The following DAB1 variants were observed in gnomAD, a reference collection of about 807,000 sequenced individuals.
DAB1 encodes the protein disabled homolog 1.
Under a neutral mutation model 64.6 loss-of-function variants are expected in DAB1, and 15 were observed. The ratio of observed to expected loss-of-function variants is 0.23; its 90% CI spans 0.16 to 0.36. DAB1 has a LOEUF of 0.36. Ranked by LOEUF, DAB1 falls within the 10% of genes least tolerant of loss-of-function variation. DAB1 has a pLI of 1.00. For missense variants in DAB1, 596 were observed against 706.7 expected (o/e 0.84, Z 1.78); for synonymous variants, 235 against 251.9 (o/e 0.93, Z 0.64).
intron 6 of DAB1, among the ~76,000 whole-genome samples, chr1:57,730,195 C>A (rs924711428): frequency 6.6e-6 from 1 of 152,234 alleles, no homozygotes; most frequent in Admixed American, 6.5e-5. Context: ...GACAATGTCA[C>A]ATAGGTGGAG....
rs561327441 is a variant in DAB1 at position 57,572,307 on chromosome 1, A to G, written n.625+77285T>C. 4.4e-4 allele frequency among the ~76,000 whole-genome samples: 67 copies of G among 152,112 alleles called. 1 individual carries two copies. Among genetic ancestry groups the G allele is most frequent in the Non-Finnish European group, 8.1e-4 (55 of 68,012 alleles). ...TGGGATCTTGAGCATGTCATTAACCATGGGCTTTTGTTTCCTCATCTGCAA... is the reference window on the plus strand; with the variant it reads ...TGGGATCTTGAGCATGTCATTAACCGTGGGCTTTTGTTTCCTCATCTGCAA... On this transcript the variant is annotated intron_variant and non_coding_transcript_variant, in intron 7 of 20. Coordinates refer to the DAB1 transcript ENST00000485760.
At chr1:57,656,050 C>G (rs1352899038) in intron 6 of DAB1, among the ~76,000 whole-genome samples, 1 of 152,090 alleles carries the variant, frequency 6.6e-6, no homozygotes, top group Non-Finnish European at 1.5e-5. Flanking sequence ...GAGGGTGGAG[C>G]CTTCATGAAT....
At chr1:57,898,539 T>C in intron 5 of DAB1, among the ~76,000 whole-genome samples, 1 of 152,182 alleles carries the variant, frequency 6.6e-6, no homozygotes, top group East Asian at 1.9e-4. Flanking sequence ...ATGAAGATTT[T>C]ATACCAAATA....
intron 1 of DAB1, among the ~76,000 whole-genome samples, chr1:57,831,537 CTTTTT>C (rs5774372): frequency 3.6e-5 from 4 of 112,344 alleles, no homozygotes; most frequent in African/African-American, 1.3e-4. Flanking sequence ...ATTTTCTTCT[CTTTTT>C]TTTTTTTTTT....
At chr1:58,415,668 ATT>A (rs568736057) in intron 3 of DAB1, among the ~76,000 whole-genome samples, 245 of 152,292 alleles carry the variant, frequency 1.6e-3, no homozygotes, top group African/African-American at 5.5e-3. Flanking sequence ...CTACCCATTC[ATT>A]TGTTTGTTCA....
chr1:57,630,131 G>C (rs1645970998), intron 7 of DAB1, among the ~76,000 whole-genome samples: 1 of 152,080 alleles, frequency 6.6e-6, no homozygotes, highest in Non-Finnish European at 1.5e-5. Flanking sequence ...AAATAAGAGG[G>C]AGAAATCACT....
At chr1:57,150,106 A>G (rs566722338) in intron 2 of DAB1, among the ~76,000 whole-genome samples, 94 of 152,020 alleles carry the variant, frequency 6.2e-4, no homozygotes, top group Non-Finnish European at 9.7e-4. Context: ...TCTCTGACCT[A>G]CCTCCTTAGT....
intron 1 of DAB1, chr1:57,873,920 C>T (rs923204665): frequency 2.6e-5 from 4 of 152,118 alleles, no homozygotes; most frequent in African/African-American, 9.7e-5. Flanking sequence ...CTCTAGAGTC[C>T]TATCACACAT....
At chr1:57,391,553 G>A (rs900433817) in intron 1 of DAB1, among the ~76,000 whole-genome samples, 4 of 152,106 alleles carry the variant, frequency 2.6e-5, no homozygotes, top group Non-Finnish European at 5.9e-5. Flanking sequence ...CCCATATGTT[G>A]TGGATTCATT....
intron 6 of DAB1, among the ~76,000 whole-genome samples, chr1:57,675,048 G>A (rs1416365914): frequency 2.0e-5 from 3 of 152,172 alleles, no homozygotes; most frequent in South Asian, 2.1e-4. Context: ...AACTTCTATT[G>A]CACCATATAT....
At chr1:57,607,110 G>A (rs996270101) in intron 7 of DAB1, among the ~76,000 whole-genome samples, 2 of 152,046 alleles carry the variant, frequency 1.3e-5, no homozygotes, top group African/African-American at 4.8e-5. Context: ...TTTTCATGAT[G>A]TGTTGGTGAA....
At chr1:58,450,571 A>G (rs1266353234) in intron 3 of DAB1, among the ~76,000 whole-genome samples, 2 of 152,098 alleles carry the variant, frequency 1.3e-5, no homozygotes, top group Non-Finnish European at 2.9e-5. Flanking sequence ...TGGCTAACAC[A>G]GTGAAACCCC....
At chr1:57,953,069 AG>A (rs1160438084) in intron 5 of DAB1, among the ~76,000 whole-genome samples, 2 of 152,234 alleles carry the variant, frequency 1.3e-5, no homozygotes, top group African/African-American at 4.8e-5. Context: ...CATCTTATAG[AG>A]GCAAACAACT....
intron 3 of DAB1, among the ~76,000 whole-genome samples, chr1:58,485,062 T>C (rs577788535): frequency 6.6e-6 from 1 of 152,048 alleles, no homozygotes; most frequent in Non-Finnish European, 1.5e-5. Context: ...TAATGATGGG[T>C]CAACATAGGT....
At chr1:58,293,382 T>G (rs1886305) in intron 4 of DAB1, among the ~76,000 whole-genome samples, 6 of 152,012 alleles carry the variant, frequency 3.9e-5, no homozygotes, top group African/African-American at 1.4e-4. Flanking sequence ...ATTTGTTTAT[T>G]GTTTCTGCAA....
chr1:58,433,580 AGAGAGAGAGAGAGAGAGT>A (rs1177214288), intron 3 of DAB1, among the ~76,000 whole-genome samples: 90 of 120,034 alleles, frequency 7.5e-4, no homozygotes, highest in African/African-American at 3.1e-3. Context: ...AGAGAGAGAG[AGAGAGAGAGAGAGAGAGT>A]GTGTGTGTGT....
intron 1 of DAB1, among the ~76,000 whole-genome samples, chr1:57,838,969 TG>T: frequency 6.6e-6 from 1 of 152,072 alleles, no homozygotes; most frequent in Admixed American, 6.5e-5. Flanking sequence ...ATTGTAAAGA[TG>T]GGGTCTCACT....
chr1:57,163,527 G>A (rs1242335673), intron 2 of DAB1, among the ~76,000 whole-genome samples: 2 of 151,982 alleles, frequency 1.3e-5, no homozygotes, highest in Admixed American at 1.3e-4. Flanking sequence ...AGGTAAGGAG[G>A]GCAGGTTTGG....
At chr1:57,887,690 T>C (rs1644244901), upstream of DAB1, among the ~76,000 whole-genome samples, 1 of 152,198 alleles carries the variant, frequency 6.6e-6, no homozygotes, top group Admixed American at 6.5e-5. Context: ...GCTGCTCAGA[T>C]ATAAGCAGAG....
Sources: allele counts gnomAD v4.1 joint callset (sites outside exome capture counted in the v4.1 genomes callset), GRCh38; gene constraint gnomAD v4.1.1; transcripts MANE v1.5; gene names NCBI Gene and HGNC (gene_info 2026-07-23, HGNC 2026-07-21).